The following VWA8 variants were observed in gnomAD, a reference collection of about 807,000 sequenced individuals.
VWA8 encodes the protein von Willebrand factor A domain-containing protein 8.
In VWA8, 221 loss-of-function variants were observed where a neutral mutation model predicts 241.5. The observed-to-expected ratio is 0.91, with a 90% CI of 0.82 to 1.02. The LOEUF is 1.02. Ranked by LOEUF, VWA8 falls within the 50% of genes least tolerant of loss-of-function variation. VWA8 has a pLI of 0.00. For missense variants in VWA8, 2,322 were observed against 2,328.7 expected (o/e 1.00, Z 0.06); for synonymous variants, 852 against 827.1 (o/e 1.03, Z -0.52).
intron 12 of VWA8, among the ~76,000 whole-genome samples, chr13:41,841,029 A>G (rs1356494009): frequency 2.0e-5 from 3 of 152,196 alleles, no homozygotes; most frequent in African/African-American, 7.2e-5. Flanking sequence ...TATGTTCTTC[A>G]TTTTACAGAG....
intron 43 of VWA8, among the ~76,000 whole-genome samples, chr13:41,571,355 CTCCCTCTCCCCG>C (rs920436479): frequency 2.0e-5 from 3 of 149,324 alleles, no homozygotes; most frequent in African/African-American, 4.9e-5. Flanking sequence ...CCGTCTCCCT[CTCCCTCTCCCCG>C]GTCTCCCTCT....
At chr13:41,948,195 C>T (rs553892321) in intron 2 of VWA8, among the ~76,000 whole-genome samples, 1 of 152,090 alleles carries the variant, frequency 6.6e-6, no homozygotes, top group East Asian at 1.9e-4. Context: ...TATAATTTAG[C>T]CATAAAAAGC....
Position 41,811,342 on chromosome 13 carries a change from T to C in VWA8, c.1948-2A>G. ...AAGTGATGCCGCTAATGATTGTGCC[T>C]ATCAAAAGACAAATACATTGTGTTA... On this transcript the variant is annotated splice_acceptor_variant, in intron 16 of 44. Transcript: ENST00000379310. LOFTEE classifies it high-confidence loss of function. 2 of 1,605,424 alleles carry C rather than the reference T, an allele frequency of 1.2e-6. No individual in the cohort carries two copies. The highest frequency in any genetic ancestry group is 2.2e-5 in the East Asian group (1 of 44,748).
rs1218456579 is a variant in VWA8 at position 41,947,931 on chromosome 13, C to CAAAAA, written c.241+2000_241+2004dup. On this transcript the variant is annotated intron_variant, in intron 2 of 44. Coordinates refer to ENST00000379310, the MANE Select transcript of VWA8 (RefSeq NM_015058.2). Reference sequence around the variant, plus strand: ...TGGGCCACAAAGTGAGACCCTGTCTCAAAAAAAAAAAAAAAAAAAAAACAA... The same window carrying CAAAAA: ...TGGGCCACAAAGTGAGACCCTGTCTCAAAAAAAAAAAAAAAAAAAAAAAAAAACAA... 6.5e-3 allele frequency among the ~76,000 whole-genome samples: 133 copies of CAAAAA among 20,360 alleles called. 3 individuals are homozygous for CAAAAA. Among genetic ancestry groups the CAAAAA allele is most frequent in the Admixed American group, 8.6e-3 (10 of 1,166 alleles). 13.4% of individuals were successfully genotyped at this position (20,360 alleles called of 152,430 possible).
Position 41,787,423 on chromosome 13 carries a change from A to C in VWA8, c.2170+14T>G. The C allele has an allele frequency of 2.5e-6, 4 of 1,577,496 alleles. No homozygotes were observed. The highest frequency in any genetic ancestry group is 2.7e-5 in the African/African-American group (2 of 74,096). On this transcript the variant is annotated intron_variant, in intron 18 of 44. Transcript: ENST00000379310. ...TTATTTCACTTAAAAAAAAGAGCCA[A>C]ATCAAATACTTACATTTGTAATCCT...
chr13:41,590,791 A>G (rs1317647239), intron 40 of VWA8, 26 bp from the exon 41 acceptor site: 1 of 1,612,194 alleles, frequency 6.2e-7, no homozygotes, highest in Admixed American at 1.7e-5. Flanking sequence ...ATACACACAC[A>G]AAGCCTTAAT....
At chr13:41,637,663 T>G (rs534269120) in intron 37 of VWA8, among the ~76,000 whole-genome samples, 3 of 152,306 alleles carry the variant, frequency 2.0e-5, no homozygotes, top group Admixed American at 2.0e-4. Context: ...CACCAGTAAT[T>G]GGTATGTACA....
Position 41,671,120 on chromosome 13 carries a change from T to C in VWA8, c.4437A>G (p.Thr1479=), listed in dbSNP as rs546080502. The C allele has an allele frequency of 1.2e-6, 2 of 1,613,826 alleles. No individual in the cohort carries two copies. Among genetic ancestry groups the C allele is most frequent in the African/African-American group, 2.7e-5 (2 of 74,994 alleles). The change falls in exon 37 of 45, where the codon ACA becomes ACG. Residue 1479 remains threonine (T), a synonymous_variant. Coordinates refer to ENST00000379310, the MANE Select transcript of VWA8 (RefSeq NM_015058.2). ...CTGTGTCTGAAATGGTCGACAGCCATGTGGTATACGGCGAGAGAGATTCTG... is the reference window on the plus strand; with the variant it reads ...CTGTGTCTGAAATGGTCGACAGCCACGTGGTATACGGCGAGAGAGATTCTG... ...PRSESLSPYT[T]WLSTISDTDA...
At chr13:41,724,878 A>G (rs1593721611) in intron 24 of VWA8, among the ~76,000 whole-genome samples, 1 of 152,172 alleles carries the variant, frequency 6.6e-6, no homozygotes, top group African/African-American at 2.4e-5. Context: ...GCGAGGAGAG[A>G]GAAGATATGA....
At chr13:41,864,673 G>A in intron 12 of VWA8, 1 of 415,342 alleles carries the variant, frequency 2.4e-6, no homozygotes, top group Admixed American at 3.1e-5. Flanking sequence ...GTCTGAGAGG[G>A]AAAGAAAAAC....
chr13:41,941,964 GT>G (rs1877621841), intron 2 of VWA8, among the ~76,000 whole-genome samples: 2 of 152,092 alleles, frequency 1.3e-5, no homozygotes, highest in South Asian at 4.1e-4. Flanking sequence ...TTTTCCTATT[GT>G]CTGTCAAGAT....
chr13:41,768,683 G>T (rs935220841), intron 20 of VWA8, among the ~76,000 whole-genome samples: 2 of 152,090 alleles, frequency 1.3e-5, no homozygotes, highest in African/African-American at 4.8e-5. Context: ...CCCAGTGAAA[G>T]TTACTTTTAT....
chr13:41,890,270 A>G (rs1284112083), intron 5 of VWA8, among the ~76,000 whole-genome samples: 1 of 152,196 alleles, frequency 6.6e-6, no homozygotes, highest in Non-Finnish European at 1.5e-5. Flanking sequence ...AAGAAGTATG[A>G]GACACAGATC....
In VWA8 at chr13:41,819,208, T is replaced by A; in HGVS notation, c.1869+10A>T. The A allele has an allele frequency of 6.3e-7, 1 of 1,592,586 alleles. No individual in the cohort carries two copies. Among genetic ancestry groups the A allele is most frequent in the Non-Finnish European group, 8.5e-7 (1 of 1,174,336 alleles). ...TTAAGAAAATAGACTAAGATTGGCTTTCTTCTTACCTTTTCCTTAATCACT... is the reference window on the plus strand; with the variant it reads ...TTAAGAAAATAGACTAAGATTGGCTATCTTCTTACCTTTTCCTTAATCACT... On this transcript the variant is annotated intron_variant, in intron 15 of 44. Coordinates refer to ENST00000379310, the MANE Select transcript of VWA8 (RefSeq NM_015058.2).
intron 37 of VWA8, among the ~76,000 whole-genome samples, chr13:41,657,456 C>G (rs2044914376): frequency 6.6e-6 from 1 of 150,656 alleles, no homozygotes; most frequent in South Asian, 2.1e-4. Context: ...TAAGTCCTCT[C>G]TTTAAAGGTA....
intron 27 of VWA8, among the ~76,000 whole-genome samples, chr13:41,702,523 G>A (rs984624070): frequency 2.0e-5 from 3 of 152,228 alleles, no homozygotes; most frequent in Admixed American, 2.0e-4. Flanking sequence ...TTGTCCTACT[G>A]TAAGGGTTGA....
intron 36 of VWA8, 50 bp from the exon 37 acceptor site, chr13:41,671,197 G>A (rs1226347708): frequency 2.5e-6 from 4 of 1,583,932 alleles, no homozygotes; most frequent in East Asian, 2.2e-5. Flanking sequence ...AATAAAGCAG[G>A]AGGGATGACA....
At chr13:41,779,508 A>C (rs1868790860) in intron 19 of VWA8, among the ~76,000 whole-genome samples, 1 of 152,102 alleles carries the variant, frequency 6.6e-6, no homozygotes, top group Non-Finnish European at 1.5e-5. Context: ...AATACTTTTA[A>C]ATGGATATAA....
intron 42 of VWA8, among the ~76,000 whole-genome samples, chr13:41,581,562 G>A (rs974998252): frequency 1.3e-5 from 2 of 152,078 alleles, no homozygotes; most frequent in Admixed American, 6.5e-5. Flanking sequence ...GAGGGCAATG[G>A]GGCACAAAGT....
Sources: allele counts gnomAD v4.1 joint callset (sites outside exome capture counted in the v4.1 genomes callset), GRCh38; gene constraint gnomAD v4.1.1; transcripts MANE v1.5; gene names NCBI Gene and HGNC (gene_info 2026-07-23, HGNC 2026-07-21).